The following SULT4A1 variants were observed in gnomAD, a reference collection of about 807,000 sequenced individuals.
SULT4A1 encodes the protein sulfotransferase family 4A member 1.
In SULT4A1, 11 loss-of-function variants were observed where a neutral mutation model predicts 35.2. The ratio of observed to expected loss-of-function variants is 0.31; its 90% confidence interval spans 0.20 to 0.52. The LOEUF is 0.52. SULT4A1 is among the 20% of genes least tolerant of loss of function. The pLI is 0.97. For missense variants in SULT4A1, 271 were observed against 383.7 expected (o/e 0.71, Z 2.45); for synonymous variants, 152 against 151.8 (o/e 1.00, Z -0.01).
At chr22:43,833,763 C>A in intron 4 of SULT4A1, 29 bp from the exon 5 acceptor site, 1 of 1,546,298 alleles carries the variant, frequency 6.5e-7, no homozygotes, top group South Asian at 1.2e-5. Flanking sequence ...GGGTGAGCCA[C>A]ACGGCTGGGC....
chr22:43,830,914 T>C (rs2063320550), intron 5 of SULT4A1, among the ~76,000 whole-genome samples: 1 of 152,106 alleles, frequency 6.6e-6, no homozygotes, highest in South Asian at 2.1e-4. Context: ...GTAAACAATA[T>C]TAATTCCTAA....
intron 1 of SULT4A1, among the ~76,000 whole-genome samples, chr22:43,857,339 C>CCAGT (rs1223601891): frequency 3.0e-5 from 4 of 133,042 alleles, no homozygotes; most frequent in Non-Finnish European, 4.6e-5. Flanking sequence ...GAATTCTAGG[C>CCAGT]CAGTCTGAGC....
intron 4 of SULT4A1, 84 bp from the exon 5 acceptor site, chr22:43,833,818 C>T: frequency 8.8e-7 from 1 of 1,135,908 alleles, no homozygotes; most frequent in South Asian, 1.4e-5. Flanking sequence ...ACAGGGCTGC[C>T]CTCCTGCCAC....
intron 4 of SULT4A1, among the ~76,000 whole-genome samples, chr22:43,834,358 GC>G (rs2063349858): frequency 1.1e-5 from 1 of 93,338 alleles, no homozygotes; most frequent in Admixed American, 1.1e-4. Context: ...AGCTTCCCGC[GC>G]CCCCACCGCG....
intron 1 of SULT4A1, among the ~76,000 whole-genome samples, chr22:43,860,972 T>C (rs946192293): frequency 6.6e-6 from 1 of 151,980 alleles, no homozygotes; most frequent in South Asian, 2.1e-4. Flanking sequence ...GAAAAAAAGG[T>C]GTAAGAGTCC....
At chr22:43,831,288 C>CGGCAGCTGCCCCCGAGATATGTG (rs1556450834) in intron 5 of SULT4A1, among the ~76,000 whole-genome samples, 2 of 151,436 alleles carry the variant, frequency 1.3e-5, no homozygotes, top group Admixed American at 6.6e-5. Flanking sequence ...ACTGCTGACC[C>CGGCAGCTGCCCCCGAGATATGTG]GGCAGCTGCC....
chr22:43,825,874 T>C lies in SULT4A1; in HGVS notation c.*127A>G. ...ACACTCCCTCCGCTCACGCCGCTCT[T>C]CCCTTCCCCCGCTGTTTCACACGCT... On this transcript the variant is annotated 3_prime_UTR_variant, in exon 7 of 7. Transcript: ENST00000330884. 1 of 950,274 alleles carries C rather than the reference T, an allele frequency of 1.1e-6. No homozygotes were observed. Among genetic ancestry groups the C allele is most frequent in the Non-Finnish European group, 1.6e-6 (1 of 626,482 alleles). 58.9% of individuals were successfully genotyped at this position (950,274 alleles called of 1,614,324 possible). A position where few individuals can be genotyped will look rare whatever the true frequency, so the allele number is the denominator to read the frequency against.
chr22:43,836,222 C>T lies in SULT4A1; in HGVS notation c.509-2488G>A, dbSNP rs113799346. On this transcript the variant is annotated intron_variant, in intron 4 of 6. Coordinates refer to ENST00000330884, the MANE Select transcript of SULT4A1 (RefSeq NM_014351.4). ...CTGCAGGTGCCACAGGGACCCTGTC[C>T]ACACAGCGTCCTCCAACTGCAGGTG... Among the ~76,000 whole-genome samples the T allele has an allele frequency of 7.0e-3, 368 of 52,356 alleles. 5 individuals carry two copies. The highest frequency in any genetic ancestry group is 0.033 in the Middle Eastern group (3 of 92). The allele number at this position is 52,356 out of a possible 152,430, so 34.3% of individuals were successfully genotyped here.
At chr22:43,846,534 G>T (rs1427966887) in intron 1 of SULT4A1, among the ~76,000 whole-genome samples, 1 of 152,250 alleles carries the variant, frequency 6.6e-6, no homozygotes, top group Non-Finnish European at 1.5e-5. Flanking sequence ...GATCAAGGAA[G>T]ACTTCCTGGA....
intron 4 of SULT4A1, among the ~76,000 whole-genome samples, chr22:43,834,125 G>A (rs987153326): frequency 6.6e-6 from 1 of 152,196 alleles, no homozygotes; most frequent in Non-Finnish European, 1.5e-5. Context: ...GGTATAGGAA[G>A]CTGTAGGACA....
intron 1 of SULT4A1, among the ~76,000 whole-genome samples, chr22:43,858,371 G>A (rs954986208): frequency 6.6e-6 from 1 of 152,148 alleles, no homozygotes; most frequent in Non-Finnish European, 1.5e-5. Flanking sequence ...CCGGTTGAGT[G>A]ATGGGGAGAA....
At chr22:43,829,220 C>T (rs752823099) in intron 5 of SULT4A1, 22 bp from the exon 6 acceptor site, 7 of 1,524,860 alleles carry the variant, frequency 4.6e-6, no homozygotes, top group Non-Finnish European at 6.2e-6. Context: ...GTGCAGAGAG[C>T]AGAGCAGCCC....
intron 1 of SULT4A1, among the ~76,000 whole-genome samples, chr22:43,850,811 A>C (rs2063505627): frequency 6.6e-6 from 1 of 152,042 alleles, no homozygotes; most frequent in Admixed American, 6.5e-5. Flanking sequence ...ACAGAAGCCC[A>C]GGCTGGAGAT....
chr22:43,832,916 A>G (rs1217879985), intron 5 of SULT4A1, among the ~76,000 whole-genome samples: 1 of 151,594 alleles, frequency 6.6e-6, no homozygotes, highest in East Asian at 1.9e-4. Context: ...CTGCTACTCA[A>G]CCTAAACCTG....
At position 43,862,488 on chromosome 22, in the gene SULT4A1, C is replaced by CGCGGCGGCAGCTCCGCAGGCGT. The variant is rs1457183986; in HGVS notation, c.-128_-107dup. 1.0e-5 allele frequency: 10 copies of CGCGGCGGCAGCTCCGCAGGCGT among 954,480 alleles called. No homozygotes were observed. Among genetic ancestry groups the CGCGGCGGCAGCTCCGCAGGCGT allele is most frequent in the Non-Finnish European group, 1.2e-5 (10 of 805,178 alleles). The allele number at this position is 954,480 out of a possible 1,614,324, so 59.1% of individuals were successfully genotyped here. ...CGCACACGCTCGCGCCCCACCGGCGCGCGGCGGCAGCTCCGCAGGCGTGAC... is the reference window on the plus strand; with the variant it reads ...CGCACACGCTCGCGCCCCACCGGCGCGCGGCGGCAGCTCCGCAGGCGTGCGGCGGCAGCTCCGCAGGCGTGAC... On this transcript the variant is annotated 5_prime_UTR_variant, in exon 1 of 7. Transcript: ENST00000330884.
chr22:43,827,625 G>A, intron 6 of SULT4A1: 2 of 1,366,370 alleles, frequency 1.5e-6, no homozygotes, highest in South Asian at 1.1e-5. Flanking sequence ...GATCTTCCGA[G>A]CAAAGACGCA....
rs572858530 is a variant in SULT4A1, at chr22:43,858,943, G to A, written c.169+3271C>T. On this transcript the variant is annotated intron_variant, in intron 1 of 6. Coordinates refer to ENST00000330884, the MANE Select transcript of SULT4A1 (RefSeq NM_014351.4). ...TGTCTCCTCCTCCATGCAGTCTCCC[G>A]AGATCCTCCTCTTCAGAACCCTCAT... 3.9e-5 allele frequency among the ~76,000 whole-genome samples: 6 copies of A among 152,208 alleles called. No individual in the cohort carries two copies. The South Asian group carries it at 1.0e-3, about 26-fold the overall frequency.
chr22:43,842,292 G>A (rs1278217384), intron 1 of SULT4A1, among the ~76,000 whole-genome samples: 2 of 152,152 alleles, frequency 1.3e-5, no homozygotes, highest in African/African-American at 4.8e-5. Flanking sequence ...GATGGGTCGG[G>A]GGAATGACCC....
At chr22:43,848,037 CCCT>C (rs1448807569) in intron 1 of SULT4A1, among the ~76,000 whole-genome samples, 1 of 152,172 alleles carries the variant, frequency 6.6e-6, no homozygotes, top group Non-Finnish European at 1.5e-5. Flanking sequence ...CTTGCCACCA[CCCT>C]CCTAATTCCT....
Sources: allele counts gnomAD v4.1 joint callset (sites outside exome capture counted in the v4.1 genomes callset), GRCh38; gene constraint gnomAD v4.1.1; transcripts MANE v1.5; gene names NCBI Gene and HGNC (gene_info 2026-07-23, HGNC 2026-07-21).